The following FOXP1 variants were observed in gnomAD, a reference collection of about 807,000 sequenced individuals.
FOXP1 encodes forkhead box P1.
A neutral mutation model predicts 98.2 loss-of-function variants in FOXP1; 15 were observed. The ratio of observed to expected loss-of-function variants is 0.15; its 90% CI spans 0.10 to 0.24. The LOEUF is 0.24. FOXP1 is among the 10% of genes least tolerant of loss of function. The pLI is 1.00. For missense variants in FOXP1, 633 were observed against 848.5 expected (o/e 0.75, Z 3.15); for synonymous variants, 371 against 314.5 (o/e 1.18, Z -1.90).
chr3:71,025,538 C>A (rs932686468), intron 11 of FOXP1, among the ~76,000 whole-genome samples: 3 of 152,198 alleles, frequency 2.0e-5, no homozygotes, highest in Non-Finnish European at 4.4e-5. Context: ...CACTGGGCAA[C>A]CTCCCCAAGT....
chr3:71,194,708 T>C (rs2063199068), intron 6 of FOXP1, among the ~76,000 whole-genome samples: 1 of 152,034 alleles, frequency 6.6e-6, no homozygotes, highest in Non-Finnish European at 1.5e-5. Context: ...TAATAGGAAA[T>C]AAAAAGCAGT....
At chr3:71,056,284 TA>T (rs1356705148) in intron 7 of FOXP1, among the ~76,000 whole-genome samples, 9 of 152,220 alleles carry the variant, frequency 5.9e-5, no homozygotes, top group Admixed American at 5.9e-4. Flanking sequence ...CATTGTCCCT[TA>T]ACTGTCAATA....
chr3:71,233,943 C>T (rs145039559), intron 5 of FOXP1, among the ~76,000 whole-genome samples: 1 of 152,182 alleles, frequency 6.6e-6, no homozygotes, highest in Non-Finnish European at 1.5e-5. Flanking sequence ...TTTGTGTTCT[C>T]AATGTTCTCT....
At chr3:71,211,531 C>A (rs945772800) in intron 5 of FOXP1, among the ~76,000 whole-genome samples, 4 of 151,966 alleles carry the variant, frequency 2.6e-5, no homozygotes, top group Non-Finnish European at 5.9e-5. Context: ...TTCTATGTAC[C>A]CAGTTTACTT....
chr3:71,249,187 G>C (rs565162516), intron 5 of FOXP1, among the ~76,000 whole-genome samples: 141 of 152,344 alleles, frequency 9.3e-4, no homozygotes, highest in Non-Finnish European at 1.5e-3. Context: ...TTTAAGCTGG[G>C]ATGGAGTGGG....
chr3:71,031,637 C>CT, intron 11 of FOXP1, among the ~76,000 whole-genome samples: 1 of 152,086 alleles, frequency 6.6e-6, no homozygotes, highest in Middle Eastern at 3.2e-3. Context: ...TTTTCTTTCT[C>CT]TTCTTTCATT....
In FOXP1 at chr3:70,956,009, T is replaced by C. The variant is rs1177757809; in HGVS notation, c.*3238A>G. The C allele has an allele frequency of 8.6e-6, 2 of 233,122 alleles. No individual in the cohort carries two copies. 14.4% of individuals were successfully genotyped at this position (233,122 alleles called of 1,614,324 possible). ...TATTCTTAAAGCAAGGATAACTAAA[T>C]AAAATACATGTGCAGCATATTCTGC... On this transcript the variant is annotated 3_prime_UTR_variant, in exon 21 of 21. Coordinates refer to ENST00000649528, the MANE Select transcript of FOXP1 (RefSeq NM_001349338.3).
rs374687973 is a variant in FOXP1, at chr3:71,040,117, CTG to C, written c.869+1209_869+1210del. 4.1e-3 allele frequency among the ~76,000 whole-genome samples: 606 copies of C among 149,500 alleles called. 1 individual carries two copies. Among genetic ancestry groups the C allele is most frequent in the Non-Finnish European group, 6.5e-3 (434 of 67,162 alleles). On this transcript the variant is annotated intron_variant, in intron 11 of 20. Coordinates refer to ENST00000649528, the MANE Select transcript of FOXP1 (RefSeq NM_001349338.3). ...TGTGTGTGTGTGTATGTATGTATCT[CTG>C]TGTGTGTGTGTGTATCTGTGTGTGT...
At chr3:71,417,921 C>T (rs1195057581) in intron 3 of FOXP1, among the ~76,000 whole-genome samples, 2 of 152,010 alleles carry the variant, frequency 1.3e-5, no homozygotes, top group Admixed American at 6.6e-5. Flanking sequence ...ACAAACACCC[C>T]CGAGAAGACA....
At chr3:71,197,792 CT>C (rs1248915027) in intron 6 of FOXP1, 4 of 1,271,812 alleles carry the variant, frequency 3.1e-6, no homozygotes, top group Non-Finnish European at 4.4e-6. Flanking sequence ...CTTTTTCTCT[CT>C]TTTATTCCTT....
chr3:71,238,067 T>A (rs922780318), intron 5 of FOXP1, among the ~76,000 whole-genome samples: 2 of 152,184 alleles, frequency 1.3e-5, no homozygotes, highest in African/African-American at 4.8e-5. Context: ...TTACATCCCA[T>A]AGGCACTCAA....
intron 2 of FOXP1, among the ~76,000 whole-genome samples, chr3:71,561,402 C>G (rs1181726664): frequency 8.3e-6 from 1 of 120,692 alleles, no homozygotes; most frequent in Non-Finnish European, 1.6e-5. Flanking sequence ...CTCAATAAAG[C>G]TGGCCAAAAA....
chr3:71,172,537 G>A (rs1316035312), intron 6 of FOXP1, among the ~76,000 whole-genome samples: 1 of 152,172 alleles, frequency 6.6e-6, no homozygotes, highest in Non-Finnish European at 1.5e-5. Context: ...CCTCTGAGGT[G>A]TGCAGGGCAG....
At chr3:71,545,836 G>A (rs1021652094) in intron 2 of FOXP1, among the ~76,000 whole-genome samples, 1 of 152,148 alleles carries the variant, frequency 6.6e-6, no homozygotes, top group African/African-American at 2.4e-5. Context: ...TTTTGTTGCT[G>A]CATATTTAAA....
chr3:71,090,104 A>T (rs1449415461), intron 7 of FOXP1, among the ~76,000 whole-genome samples: 1 of 152,264 alleles, frequency 6.6e-6, no homozygotes, highest in African/African-American at 2.4e-5. Context: ...TGTTGTGTGC[A>T]TAAACAAAAC....
At chr3:71,020,399 T>C (rs550908920) in intron 11 of FOXP1, among the ~76,000 whole-genome samples, 1 of 152,332 alleles carries the variant, frequency 6.6e-6, no homozygotes, top group South Asian at 2.1e-4. Context: ...ACTTCAACAC[T>C]GACCTTAGTT....
chr3:71,064,850 C>A, intron 7 of FOXP1: 2 of 982,366 alleles, frequency 2.0e-6, no homozygotes, highest in Non-Finnish European at 2.4e-6. Flanking sequence ...AGCCGCCAGG[C>A]GCGCGGAGCC....
chr3:71,295,072 T>C (rs150324541), intron 5 of FOXP1, among the ~76,000 whole-genome samples: 161 of 152,328 alleles, frequency 1.1e-3, no homozygotes, highest in African/African-American at 3.6e-3. Flanking sequence ...ACCCTGACGG[T>C]TACAACCCAG....
chr3:70,972,658 G>T lies in FOXP1; in HGVS notation c.1549C>A (p.Leu517Ile). The change falls in exon 18 of 21, where the codon CTT becomes ATT. Residue 517 changes from leucine (L) to isoleucine (I), a missense_variant. Around this residue, in one of 6 missense-constraint regions of FOXP1, gnomAD observed 141 missense variants for 199.5 expected, o/e 0.71. Coordinates refer to ENST00000649528, the MANE Select transcript of FOXP1 (RefSeq NM_001349338.3). ...ATWKNAVRHN[L>I]SLHKCFVRVE... ...CGCACAAAACACTTGTGAAGACTAA[G>T]ATTATGACGCACTGCATTCTGCAGC... 6.2e-7 allele frequency: 1 copy of T among 1,614,026 alleles called. No individual in the cohort carries two copies. Among genetic ancestry groups the T allele is most frequent in the South Asian group, 1.1e-5 (1 of 91,078 alleles).
Sources: gnomAD v4.1 joint callset for allele counts (sites outside exome capture counted in the v4.1 genomes callset) on GRCh38, gnomAD v4.1.1 for gene constraint, gnomAD v4.1.1 regional missense constraint, MANE v1.5 for transcripts, NCBI Gene and HGNC (gene_info 2026-07-23, HGNC 2026-07-21) for gene names.